Variants in CERS3 observed in about 807,000 individuals in gnomAD.
The protein encoded by CERS3 is ceramide synthase 3, also known as LAG1 homolog, ceramide synthase 3.
CERS3 carries 33 observed loss-of-function variants against 50.3 expected under a neutral mutation model. The observed-to-expected ratio is 0.66, with a 90% CI of 0.50 to 0.88. The LOEUF (loss-of-function observed/expected upper bound fraction) is 0.88. Among genes scored for constraint, CERS3 ranks in the 40% least tolerant of loss-of-function variants. The probability of loss-of-function intolerance (pLI) is 0.00; values close to 1 mark genes in which losing one functional copy is unlikely to be tolerated. For missense variants in CERS3, 470 were observed against 460.3 expected, an observed-to-expected ratio of 1.02 and a Z score of -0.19; for synonymous variants, 176 against 155.2, an observed-to-expected ratio of 1.13 and a Z score of -0.99.
At chr15:100,482,912 C>A (rs2035357434) in intron 5 of CERS3, among the ~76,000 whole-genome samples, 1 of 152,214 alleles carries the variant, frequency 6.6e-6, no homozygotes. Context: ...TTCAACATGG[C>A]ACTAGGTTTA....
chr15:100,516,682 G>T (rs1474950412), intron 2 of CERS3, among the ~76,000 whole-genome samples: 1 of 152,190 alleles, frequency 6.6e-6, no homozygotes, highest in Non-Finnish European at 1.5e-5. Context: ...CTCCCCCATT[G>T]TGTTCTCATC....
chr15:100,434,506 C>A (rs2033299002), intron 11 of CERS3, among the ~76,000 whole-genome samples: 1 of 152,244 alleles, frequency 6.6e-6, no homozygotes, highest in Non-Finnish European at 1.5e-5. Flanking sequence ...TTACCCACAT[C>A]TACACACTGA....
intron 11 of CERS3, among the ~76,000 whole-genome samples, chr15:100,435,294 C>A (rs2142133315): frequency 6.6e-6 from 1 of 152,236 alleles, no homozygotes; most frequent in Non-Finnish European, 1.5e-5. Flanking sequence ...CTAAGTCAGT[C>A]CTGAGTGACT....
intron 9 of CERS3, among the ~76,000 whole-genome samples, chr15:100,471,137 G>T (rs1015328115): frequency 1.4e-4 from 21 of 152,140 alleles, no homozygotes; most frequent in African/African-American, 5.1e-4. Flanking sequence ...CATGACTTGT[G>T]GATCAAGAAT....
intron 11 of CERS3, among the ~76,000 whole-genome samples, chr15:100,410,617 C>T (rs781570875): frequency 1.3e-5 from 2 of 152,190 alleles, no homozygotes; most frequent in African/African-American, 2.4e-5. Context: ...GCGATAGACG[C>T]ACTTCCAACT....
At chr15:100,444,541 T>C (rs1243691473) in intron 11 of CERS3, among the ~76,000 whole-genome samples, 4 of 152,232 alleles carry the variant, frequency 2.6e-5, no homozygotes, top group East Asian at 1.9e-4. Context: ...GGCTGTGCTA[T>C]AGTACAAGCC....
At chr15:100,444,055 A>G (rs1040430396) in intron 11 of CERS3, among the ~76,000 whole-genome samples, 30 of 152,156 alleles carry the variant, frequency 2.0e-4, no homozygotes, top group Admixed American at 5.9e-4. Context: ...CTGTGCAATC[A>G]GAATTCTTAC....
chr15:100,527,954 G>A (rs1161176592), intron 1 of CERS3, among the ~76,000 whole-genome samples: 3 of 152,210 alleles, frequency 2.0e-5, no homozygotes, highest in African/African-American at 7.2e-5. Context: ...CAAAAGGCTT[G>A]TAGGGGGGAA....
chr15:100,507,531 A>ACCCACAGCC (rs2036220764), intron 2 of CERS3, among the ~76,000 whole-genome samples: 1 of 152,236 alleles, frequency 6.6e-6, no homozygotes, highest in Non-Finnish European at 1.5e-5. Flanking sequence ...GCCTGTGATA[A>ACCCACAGCC]TCCACAGCCA....
intron 11 of CERS3, among the ~76,000 whole-genome samples, chr15:100,433,094 G>A (rs1206289115): frequency 2.0e-5 from 3 of 152,110 alleles, no homozygotes; most frequent in Non-Finnish European, 2.9e-5. Context: ...GAATCAGCCA[G>A]GTGTGGTGGC....
At chr15:100,438,835 A>G (rs1311751419) in intron 11 of CERS3, among the ~76,000 whole-genome samples, 1 of 152,248 alleles carries the variant, frequency 6.6e-6, no homozygotes. Context: ...GATATCACAC[A>G]GACATGCTTG....
chr15:100,491,272 G>A (rs964985271), intron 3 of CERS3, among the ~76,000 whole-genome samples: 3 of 152,050 alleles, frequency 2.0e-5, no homozygotes, highest in African/African-American at 7.2e-5. Context: ...GTTAGAAAAT[G>A]TTTTATTTGG....
rs115848329 is a variant in CERS3, at chr15:100,415,305, A to G, written c.1000-12440T>C. ...CTGGTGAGGCTGTGGAGAAACAGGA[A>G]TGCTTTTATACTGTTATTGGGAATG... On this transcript the variant is annotated intron_variant, in intron 11 of 11. Coordinates refer to ENST00000679737, the MANE Select transcript of CERS3 (RefSeq NM_001378789.1). Among the ~76,000 whole-genome samples, 797 of 152,266 alleles carry G rather than the reference A, an allele frequency of 5.2e-3. 7 individuals are homozygous for G. Among genetic ancestry groups the G allele is most frequent in the African/African-American group, 0.018 (763 of 41,526 alleles).
chr15:100,540,784 T>C (rs1376614416), intron 1 of CERS3, among the ~76,000 whole-genome samples: 1 of 152,192 alleles, frequency 6.6e-6, no homozygotes, highest in African/African-American at 2.4e-5. Context: ...AGAAACACTG[T>C]TGGGTTGACA....
chr15:100,451,563 C>T (rs8032901), intron 11 of CERS3, among the ~76,000 whole-genome samples: 68,772 of 151,718 alleles, frequency 0.45, 16,556 homozygotes, highest in Non-Finnish European at 0.54. Flanking sequence ...CAAAATTAGC[C>T]GGGTGTGGTG....
At chr15:100,421,551 A>G (rs1034334429) in intron 11 of CERS3, among the ~76,000 whole-genome samples, 5 of 150,584 alleles carry the variant, frequency 3.3e-5, no homozygotes, top group Admixed American at 2.6e-4. Context: ...TCAAGCTACC[A>G]ATGACTTTCT....
At chr15:100,414,876 G>A (rs2031776771) in intron 11 of CERS3, among the ~76,000 whole-genome samples, 1 of 149,512 alleles carries the variant, frequency 6.7e-6, no homozygotes, top group Admixed American at 6.7e-5. Flanking sequence ...CATAGGCATG[G>A]GCAGACTTCA....
chr15:100,483,787 A>ATTATTT (rs760594142), intron 5 of CERS3, among the ~76,000 whole-genome samples: 15 of 100,022 alleles, frequency 1.5e-4, no homozygotes, highest in Admixed American at 5.0e-4. Context: ...TATTATTATT[A>ATTATTT]TTTTTTTTTT....
At chr15:100,470,217 G>A (rs1456139101) in intron 9 of CERS3, among the ~76,000 whole-genome samples, 1 of 152,148 alleles carries the variant, frequency 6.6e-6, no homozygotes, top group Non-Finnish European at 1.5e-5. Flanking sequence ...CAGGAGGTGG[G>A]AGGAGTTGCT....
Sources: allele counts gnomAD v4.1 joint callset (sites outside exome capture counted in the v4.1 genomes callset), GRCh38; gene constraint gnomAD v4.1.1; transcripts MANE v1.5; gene names NCBI Gene and HGNC (gene_info 2026-07-23, HGNC 2026-07-21).